Variants in ABCC11 observed in about 807,000 individuals in gnomAD.
The protein encoded by ABCC11 is ATP-binding cassette sub-family C member 11.
ABCC11 carries 135 observed loss-of-function variants against 149.3 expected under a neutral mutation model. That is an observed-to-expected ratio of 0.90 (90% CI 0.79 to 1.04). ABCC11 has a LOEUF of 1.04. ABCC11 is among the 50% of genes least tolerant of loss of function. ABCC11 has a pLI of 0.00. For missense variants in ABCC11, 1,680 were observed against 1,722.1 expected (o/e 0.98, Z 0.43); for synonymous variants, 665 against 671.4 (o/e 0.99, Z 0.15).
At chr16:48,178,734 C>T (rs747147488) in intron 23 of ABCC11, 48 bp from the exon 24 acceptor site, 1 of 1,540,176 alleles carries the variant, frequency 6.5e-7, no homozygotes, top group Non-Finnish European at 9.0e-7. Context: ...CTGGGGTGTG[C>T]TCAGGCTCTT....
At chr16:48,219,116 T>C (rs1157959224) in intron 6 of ABCC11, among the ~76,000 whole-genome samples, 1 of 151,910 alleles carries the variant, frequency 6.6e-6, no homozygotes, top group African/African-American at 2.4e-5. Context: ...CAAAATCCAA[T>C]GTTTTTTATG....
Position 48,231,826 on chromosome 16 carries a change from A to C in ABCC11, c.96T>G (p.Ile32Met). Residue 32 changes from isoleucine to methionine, a missense_variant, in exon 2 of 30, where the codon ATT (isoleucine) becomes ATG (methionine). Ile to Met is a conservative substitution (Grantham distance 10). Coordinates refer to ENST00000356608, the MANE Select transcript of ABCC11 (RefSeq NM_001370497.1). Reference sequence around the variant, plus strand: ...TGATGCTAAGAGATCTACTTACATAAATAAGTCCTGAAACCATGTCATCGC... The same window carrying C: ...TGATGCTAAGAGATCTACTTACATACATAAGTCCTGAAACCATGTCATCGC... ...DIGDDMVSGL[I>M]YKTYTLQDGP... 1 of 1,614,080 alleles carries C rather than the reference A, an allele frequency of 6.2e-7. No homozygotes were observed. Among genetic ancestry groups the C allele is most frequent in the Non-Finnish European group, 8.5e-7 (1 of 1,179,952 alleles).
intron 11 of ABCC11, 91 bp from the exon 12 acceptor site, chr16:48,208,587 A>G (rs988197916): frequency 7.2e-7 from 1 of 1,389,130 alleles, no homozygotes; most frequent in East Asian, 2.3e-5. Flanking sequence ...AGAACCCAAA[A>G]CAACACACAG....
intron 28 of ABCC11, among the ~76,000 whole-genome samples, chr16:48,169,766 T>A: frequency 1.3e-5 from 1 of 79,360 alleles, no homozygotes; most frequent in Non-Finnish European, 2.3e-5. Context: ...GGGCCTGTCG[T>A]GGGGTGGGGG....
intron 23 of ABCC11, among the ~76,000 whole-genome samples, chr16:48,183,351 C>T (rs889801175): frequency 1.3e-5 from 2 of 152,240 alleles, no homozygotes; most frequent in South Asian, 2.1e-4. Context: ...CTTGGCCAGT[C>T]GCTCTCTCTC....
At chr16:48,198,597 A>G (rs945822143) in intron 15 of ABCC11, among the ~76,000 whole-genome samples, 9 of 151,734 alleles carry the variant, frequency 5.9e-5, no homozygotes, top group Non-Finnish European at 1.3e-4. Flanking sequence ...ACTCTCAAAC[A>G]TGTGTGCAAA....
chr16:48,228,391 C>T (rs1286308697), intron 3 of ABCC11, among the ~76,000 whole-genome samples: 1 of 151,788 alleles, frequency 6.6e-6, no homozygotes, highest in Non-Finnish European at 1.5e-5. Context: ...GTCAGGAGTT[C>T]GAGACCAGCC....
At chr16:48,201,995 C>T (rs569263798) in intron 14 of ABCC11, among the ~76,000 whole-genome samples, 5 of 152,288 alleles carry the variant, frequency 3.3e-5, no homozygotes, top group East Asian at 3.9e-4. Flanking sequence ...CCCTGCCGTG[C>T]TTCCAGGTCA....
rs372180110 is a variant in ABCC11, at chr16:48,244,362, C to T, written c.-19+2952G>A. The T allele has an allele frequency of 6.7e-5, 99 of 1,487,930 alleles. No homozygotes were observed. In the South Asian group the frequency reaches 1.1e-3, roughly 16 times the overall value. The allele number at this position is 1,487,930 out of a possible 1,614,324, so 92.2% of individuals were successfully genotyped here. A position where few individuals can be genotyped will look rare whatever the true frequency, so the allele number is the denominator to read the frequency against. On this transcript the variant is annotated intron_variant, in intron 1 of 29. Coordinates refer to ENST00000356608, the MANE Select transcript of ABCC11 (RefSeq NM_001370497.1). ...CAGCTGTCTGTCTGGCTCTTTTTGA[C>T]AGCCCCCAGTGCGAAAGGCTGCCAG...
At chr16:48,246,244 C>T (rs1971379356) in intron 1 of ABCC11, among the ~76,000 whole-genome samples, 1 of 152,158 alleles carries the variant, frequency 6.6e-6, no homozygotes, top group Admixed American at 6.5e-5. Flanking sequence ...CCCATCTGAC[C>T]TGCTTTGGTT....
At chr16:48,236,512 A>G (rs185361550) in intron 1 of ABCC11, among the ~76,000 whole-genome samples, 7 of 152,356 alleles carry the variant, frequency 4.6e-5, no homozygotes, top group Non-Finnish European at 1.0e-4. Context: ...CTTTGAAACC[A>G]GGGACCTTGT....
chr16:48,230,152 G>A (rs957868197), intron 3 of ABCC11, among the ~76,000 whole-genome samples: 12 of 152,162 alleles, frequency 7.9e-5, no homozygotes, highest in Non-Finnish European at 1.5e-5. Context: ...TCTCCCATGT[G>A]AGGTCCATGA....
intron 22 of ABCC11, among the ~76,000 whole-genome samples, chr16:48,186,216 C>T (rs1266908688): frequency 1.3e-5 from 2 of 152,112 alleles, no homozygotes; most frequent in Admixed American, 6.6e-5. Flanking sequence ...CAAATGTGTG[C>T]CCAAGTCTTA....
At chr16:48,219,315 G>A (rs559315240) in intron 6 of ABCC11, among the ~76,000 whole-genome samples, 12 of 152,100 alleles carry the variant, frequency 7.9e-5, no homozygotes, top group South Asian at 6.2e-4. Flanking sequence ...GACCACAGGC[G>A]CACGCCACCA....
At chr16:48,199,086 G>A (rs187554357) in intron 15 of ABCC11, among the ~76,000 whole-genome samples, 19 of 150,822 alleles carry the variant, frequency 1.3e-4, no homozygotes, top group African/African-American at 4.6e-4. Context: ...GTATCAACAT[G>A]GAAGATCTCA....
At chr16:48,218,721 C>A (rs1969517712) in intron 6 of ABCC11, among the ~76,000 whole-genome samples, 1 of 152,134 alleles carries the variant, frequency 6.6e-6, no homozygotes, top group African/African-American at 2.4e-5. Flanking sequence ...AGTTTCCCTA[C>A]ACAAGCTCTC....
chr16:48,231,766 G>A, intron 2 of ABCC11, 57 bp downstream of exon 2: 1 of 1,590,844 alleles, frequency 6.3e-7, no homozygotes, highest in South Asian at 1.1e-5. Flanking sequence ...TTATGACCGT[G>A]GAGAATATTC....
intron 3 of ABCC11, among the ~76,000 whole-genome samples, chr16:48,228,891 G>T (rs1970252419): frequency 6.7e-6 from 1 of 150,332 alleles, no homozygotes; most frequent in Admixed American, 6.6e-5. Flanking sequence ...GGGATTATGT[G>T]TCATTTTTCC....
rs917399302 is a variant in ABCC11 at position 48,198,032 on chromosome 16, C to A, written c.2253G>T (p.Lys751Asn). ...MLQDTAKIAE[K>N]PKVESQALAT... ...CCAGAGCCTGACTTTCTACCTTTGGCTTCTCTGCTATCTTTGCTGTGTCCT... is the reference window on the plus strand; with the variant it reads ...CCAGAGCCTGACTTTCTACCTTTGGATTCTCTGCTATCTTTGCTGTGTCCT... Residue 751 changes from lysine (K) to asparagine (N), a missense_variant, in exon 17 of 30, where the codon AAG becomes AAT. Coordinates refer to ENST00000356608, the MANE Select transcript of ABCC11 (RefSeq NM_001370497.1). The A allele has an allele frequency of 1.2e-6, 2 of 1,614,104 alleles. No homozygotes were observed. Among genetic ancestry groups the A allele is most frequent in the Non-Finnish European group, 1.7e-6 (2 of 1,180,046 alleles).
Sources: gnomAD v4.1 joint callset for allele counts (sites outside exome capture counted in the v4.1 genomes callset) on GRCh38, gnomAD v4.1.1 for gene constraint, MANE v1.5 for transcripts, NCBI Gene and HGNC (gene_info 2026-07-23, HGNC 2026-07-21) for gene names.